The following COLGALT2 variants were observed in gnomAD, a reference collection of about 807,000 sequenced individuals.
The protein encoded by COLGALT2 is collagen beta(1-O)galactosyltransferase 2, also known as procollagen galactosyltransferase 2.
A neutral mutation model predicts 73.4 loss-of-function variants in COLGALT2; 49 were observed. The observed-to-expected ratio is 0.67, with a 90% CI of 0.53 to 0.85. The LOEUF (loss-of-function observed/expected upper bound fraction) is 0.85. Among genes scored for constraint, COLGALT2 ranks in the 40% least tolerant of loss-of-function variants. COLGALT2 has a pLI of 0.00. For missense variants in COLGALT2, 722 were observed against 790.2 expected, an observed-to-expected ratio of 0.91 and a Z score of 1.03; for synonymous variants, 295 against 307.6, an observed-to-expected ratio of 0.96 and a Z score of 0.43.
chr1:184,009,718 A>G (rs1392070465), intron 1 of COLGALT2, among the ~76,000 whole-genome samples: 2 of 152,242 alleles, frequency 1.3e-5, no homozygotes, highest in African/African-American at 2.4e-5. Flanking sequence ...GTAATGGTCC[A>G]AGAAGTTAAT....
chr1:183,943,515 G>C (rs1670169301), intron 10 of COLGALT2, among the ~76,000 whole-genome samples: 1 of 151,974 alleles, frequency 6.6e-6, no homozygotes, highest in Non-Finnish European at 1.5e-5. Context: ...AAAATGAAAG[G>C]GAAGGGAAGG....
chr1:183,979,540 T>A (rs1671293625), intron 1 of COLGALT2, among the ~76,000 whole-genome samples: 1 of 152,128 alleles, frequency 6.6e-6, no homozygotes, highest in Admixed American at 6.5e-5. Context: ...TTACAGGCCA[T>A]ATACTATCTG....
chr1:184,010,381 A>C (rs1398008922), intron 1 of COLGALT2, among the ~76,000 whole-genome samples: 2 of 152,196 alleles, frequency 1.3e-5, no homozygotes, highest in East Asian at 3.9e-4. Flanking sequence ...AACTGTGTCT[A>C]CAGGTATTTA....
Position 183,936,271 on chromosome 1 carries a change from A to G in COLGALT2, c.*2490T>C. 8.1e-6 allele frequency: 8 copies of G among 985,800 alleles called. No individual in the cohort carries two copies. The highest frequency in any genetic ancestry group is 9.6e-6 in the Non-Finnish European group (8 of 829,932). The allele number at this position is 985,800 out of a possible 1,614,324, so 61.1% of individuals were successfully genotyped here. On this transcript the variant is annotated 3_prime_UTR_variant, in exon 12 of 12. Transcript: ENST00000361927. ...CTATAAGGGAGAGATAGGACAAATAATGAGGTCAAGGAACCTCTGGATTGC... is the reference window on the plus strand; with the variant it reads ...CTATAAGGGAGAGATAGGACAAATAGTGAGGTCAAGGAACCTCTGGATTGC...
At chr1:184,033,534 C>A (rs1056577862) in intron 1 of COLGALT2, among the ~76,000 whole-genome samples, 6 of 152,306 alleles carry the variant, frequency 3.9e-5, no homozygotes, top group African/African-American at 1.4e-4. Context: ...AAAAGCTTTC[C>A]TTTTTGCTTA....
At chr1:184,003,858 A>G (rs1671995932) in intron 1 of COLGALT2, among the ~76,000 whole-genome samples, 2 of 152,206 alleles carry the variant, frequency 1.3e-5, no homozygotes, top group African/African-American at 4.8e-5. Context: ...GGCTTCCACT[A>G]GTAACACGAC....
At chr1:183,974,803 C>G (rs1314346572) in intron 3 of COLGALT2, among the ~76,000 whole-genome samples, 1 of 152,202 alleles carries the variant, frequency 6.6e-6, no homozygotes, top group Non-Finnish European at 1.5e-5. Context: ...TTACCTACAG[C>G]CTTTCCTGTG....
At chr1:183,958,963 A>G (rs1670624567) in intron 6 of COLGALT2, among the ~76,000 whole-genome samples, 2 of 151,766 alleles carry the variant, frequency 1.3e-5, no homozygotes, top group African/African-American at 4.8e-5. Context: ...TCCCATCAAG[A>G]TTCAGCTTTC....
chr1:183,989,616 T>G (rs1028916736), intron 1 of COLGALT2, among the ~76,000 whole-genome samples: 5 of 152,206 alleles, frequency 3.3e-5, no homozygotes, highest in African/African-American at 1.2e-4. Context: ...ATTCATTCCT[T>G]TCTGGAAACA....
chr1:183,944,112 TG>T, intron 10 of COLGALT2, 83 bp downstream of exon 10: 2 of 1,424,366 alleles, frequency 1.4e-6, no homozygotes, highest in Non-Finnish European at 1.9e-6. Flanking sequence ...TATCTCCTAC[TG>T]GCTGTGGAGG....
At chr1:183,948,323 C>T (rs1269432787) in intron 8 of COLGALT2, among the ~76,000 whole-genome samples, 3 of 152,128 alleles carry the variant, frequency 2.0e-5, no homozygotes, top group African/African-American at 7.2e-5. Flanking sequence ...TGGAAATCTT[C>T]AAGCAAATAC....
intron 1 of COLGALT2, among the ~76,000 whole-genome samples, chr1:184,032,539 A>G (rs1649548019): frequency 6.6e-6 from 1 of 152,112 alleles, no homozygotes; most frequent in Admixed American, 6.6e-5. Flanking sequence ...AAGCTTGTAT[A>G]TTTCTTCCTC....
chr1:183,962,320 C>T (rs1269184016), intron 6 of COLGALT2, among the ~76,000 whole-genome samples: 1 of 151,618 alleles, frequency 6.6e-6, no homozygotes, highest in Non-Finnish European at 1.5e-5. Context: ...CTACCATGCC[C>T]AGCTTATTTT....
At chr1:184,027,839 C>G (rs1161581693) in intron 1 of COLGALT2, among the ~76,000 whole-genome samples, 3 of 152,200 alleles carry the variant, frequency 2.0e-5, no homozygotes, top group Admixed American at 1.3e-4. Flanking sequence ...GAGGCTTGTA[C>G]TTTTCTAAAA....
intron 1 of COLGALT2, among the ~76,000 whole-genome samples, chr1:184,011,077 A>G (rs1199535984): frequency 6.6e-6 from 1 of 152,210 alleles, no homozygotes; most frequent in African/African-American, 2.4e-5. Context: ...AGTGGCAGCA[A>G]TCTACCAAAG....
Position 183,986,786 on chromosome 1 carries a change from T to C in COLGALT2, c.264-8266A>G, listed in dbSNP as rs542164264. On this transcript the variant is annotated intron_variant, in intron 1 of 11. Transcript: ENST00000361927. Reference sequence around the variant, plus strand: ...CTCATTATCTTTATTTCCCCTGTTATAGAAAAGAAGGCTGAGGATGAGAGG... The same window carrying C: ...CTCATTATCTTTATTTCCCCTGTTACAGAAAAGAAGGCTGAGGATGAGAGG... Among the ~76,000 whole-genome samples, 207 of 152,292 alleles carry C rather than the reference T, an allele frequency of 1.4e-3. 1 individual carries two copies. The highest frequency in any genetic ancestry group is 4.1e-3 in the African/African-American group (170 of 41,564).
chr1:184,013,050 C>G (rs1648862462), intron 1 of COLGALT2, among the ~76,000 whole-genome samples: 1 of 152,218 alleles, frequency 6.6e-6, no homozygotes, highest in East Asian at 1.9e-4. Flanking sequence ...TGCGGTGGCT[C>G]ACGCCTGTAA....
intron 7 of COLGALT2, among the ~76,000 whole-genome samples, chr1:183,951,485 A>G (rs1670400947): frequency 6.6e-6 from 1 of 152,204 alleles, no homozygotes; most frequent in Non-Finnish European, 1.5e-5. Flanking sequence ...TAGAATTGAT[A>G]AACAGCTTCA....
chr1:184,027,979 C>T (rs1169919733), intron 1 of COLGALT2, among the ~76,000 whole-genome samples: 5 of 152,150 alleles, frequency 3.3e-5, no homozygotes, highest in African/African-American at 7.2e-5. Flanking sequence ...AAAGCAGTGG[C>T]GTGGAAGCTG....
Sources: gnomAD v4.1 joint callset for allele counts (sites outside exome capture counted in the v4.1 genomes callset) on GRCh38, gnomAD v4.1.1 for gene constraint, MANE v1.5 for transcripts, NCBI Gene and HGNC (gene_info 2026-07-23, HGNC 2026-07-21) for gene names.